FCAR: variants seen among roughly 807,000 people sequenced by gnomAD.
FCAR encodes the protein Fc alpha receptor.
FCAR carries 21 observed loss-of-function variants against 27.1 expected under a neutral mutation model. The ratio of observed to expected loss-of-function variants is 0.77; its 90% CI spans 0.55 to 1.11. The LOEUF is 1.11. FCAR is among the 50% of genes most tolerant of loss of function. The pLI is 0.00. For synonymous variants in FCAR, 134 were observed against 135.8 expected (o/e 0.99, Z 0.09); for missense variants, 404 against 358.4 (o/e 1.13, Z -1.03).
chr19:54,876,190 G>C (rs1295826746), intron 2 of FCAR, among the ~76,000 whole-genome samples: 1 of 152,174 alleles, frequency 6.6e-6, no homozygotes, highest in East Asian at 1.9e-4. Context: ...TTGTATCCTG[G>C]AACTTTGCTA....
chr19:54,878,457 T>C (rs2066222752), intron 2 of FCAR, among the ~76,000 whole-genome samples: 2 of 152,188 alleles, frequency 1.3e-5, no homozygotes, highest in South Asian at 4.1e-4. Context: ...AGTCTCTTCG[T>C]TGGTCTCTCA....
intron 4 of FCAR, chr19:54,889,139 GC>G: frequency 6.5e-6 from 1 of 153,186 alleles, no homozygotes; most frequent in Admixed American, 6.5e-5. Context: ...GGAGGCTGAG[GC>G]AGGTGGATCA....
intron 1 of FCAR, 131 bp downstream of exon 1, chr19:54,874,454 G>T: frequency 1.2e-6 from 1 of 855,950 alleles, no homozygotes; most frequent in Non-Finnish European, 1.9e-6. Context: ...TAGTGGAAAG[G>T]CCGTCTTTGT....
chr19:54,888,502 A>C, intron 4 of FCAR: 1 of 1,412,902 alleles, frequency 7.1e-7, no homozygotes, highest in Non-Finnish European at 9.2e-7. Flanking sequence ...TTGAAAACTT[A>C]GTCTGTGGAG....
rs759854528 is a variant in FCAR, at chr19:54,888,268, G to A, written c.623G>A (p.Ser208Asn). Reference protein sequence around the residue: ...NRSPYLWSFPSNALELVVTDS... With the variant: ...NRSPYLWSFPNNALELVVTDS... Reference sequence around the variant, plus strand: ...AGCCCCTACCTGTGGTCCTTCCCCAGTAATGCCTTGGAGCTTGTGGTCACA... The same window carrying A: ...AGCCCCTACCTGTGGTCCTTCCCCAATAATGCCTTGGAGCTTGTGGTCACA... The change falls in exon 4 of 5, where the codon AGT becomes AAT. Residue 208 changes from serine (S) to asparagine (N), a missense_variant. Coordinates refer to ENST00000355524, the MANE Select transcript of FCAR (RefSeq NM_002000.4). The A allele has an allele frequency of 1.2e-6, 2 of 1,614,150 alleles. No individual in the cohort carries two copies. Among genetic ancestry groups the A allele is most frequent in the Admixed American group, 3.3e-5 (2 of 60,010 alleles).
At chr19:54,875,461 T>C in intron 2 of FCAR, 96 bp downstream of exon 2, 1 of 1,027,378 alleles carries the variant, frequency 9.7e-7, no homozygotes, top group East Asian at 2.4e-5. Context: ...CATTCTTATT[T>C]TAATCCCCAT....
chr19:54,878,107 C>CG (rs1186031414), intron 2 of FCAR, among the ~76,000 whole-genome samples: 1 of 151,976 alleles, frequency 6.6e-6, no homozygotes, highest in African/African-American at 2.4e-5. Context: ...TTAGTAAAGA[C>CG]GGGGTTTCAC....
intron 1 of FCAR, among the ~76,000 whole-genome samples, chr19:54,874,850 T>G (rs1408005345): frequency 6.6e-6 from 1 of 152,134 alleles, no homozygotes; most frequent in Non-Finnish European, 1.5e-5. Flanking sequence ...TCCAGGATTT[T>G]TTTCAATAGT....
chr19:54,877,247 T>C (rs866430821), intron 2 of FCAR, among the ~76,000 whole-genome samples: 1 of 152,196 alleles, frequency 6.6e-6, no homozygotes, highest in South Asian at 2.1e-4. Context: ...TTCTGGTCTG[T>C]AGGATTTTTA....
At chr19:54,884,419 G>C (rs894428785) in intron 2 of FCAR, among the ~76,000 whole-genome samples, 1 of 152,104 alleles carries the variant, frequency 6.6e-6, no homozygotes, top group African/African-American at 2.4e-5. Context: ...ATCACTTGAA[G>C]TCAGGAGTTC....
chr19:54,885,631 T>C (rs755865422), intron 3 of FCAR, 106 bp downstream of exon 3: 18 of 843,446 alleles, frequency 2.1e-5, no homozygotes, highest in Non-Finnish European at 3.3e-5. Flanking sequence ...AAATTGATGA[T>C]TGCTTCAGAG....
At chr19:54,886,301 A>ATTTTT (rs1317590546) in intron 3 of FCAR, among the ~76,000 whole-genome samples, 3 of 17,436 alleles carry the variant, frequency 1.7e-4, no homozygotes, top group African/African-American at 4.1e-4. Context: ...ATGTATCTTT[A>ATTTTT]TTTTTTTTTT....
chr19:54,890,245 C>A lies in FCAR; in HGVS notation c.*382C>A. ...CTGAGATTATAGGCATGAGCCACCA[C>A]GCCTGGCCAGATGCATGTTCAAACC... On this transcript the variant is annotated 3_prime_UTR_variant, in exon 5 of 5. Coordinates refer to ENST00000355524, the MANE Select transcript of FCAR (RefSeq NM_002000.4). 1 of 254,972 alleles carries A rather than the reference C, an allele frequency of 3.9e-6. No homozygotes were observed. The highest frequency in any genetic ancestry group is 7.6e-6 in the Non-Finnish European group (1 of 130,866). 15.8% of individuals were successfully genotyped at this position (254,972 alleles called of 1,614,324 possible). A position where few individuals can be genotyped will look rare whatever the true frequency, so the allele number is the denominator to read the frequency against.
chr19:54,876,948 AGCCTACCTGATGGT>A (rs2066132920), intron 2 of FCAR, among the ~76,000 whole-genome samples: 1 of 152,114 alleles, frequency 6.6e-6, no homozygotes, highest in Non-Finnish European at 1.5e-5. Context: ...CCAGAAATAA[AGCCTACCTGATGGT>A]GGTGGATTAG....
At chr19:54,885,610 C>A in intron 3 of FCAR, 85 bp downstream of exon 3, 4 of 1,078,254 alleles carry the variant, frequency 3.7e-6, no homozygotes, top group Admixed American at 2.7e-5. Context: ...TTTAGATTTA[C>A]AAACAAAAAA....
Position 54,889,731 on chromosome 19 carries a change from A to G in FCAR, c.732A>G (p.Ile244Met). 3 of 1,614,072 alleles carry G rather than the reference A, an allele frequency of 1.9e-6. No individual in the cohort carries two copies. Among genetic ancestry groups the G allele is most frequent in the Non-Finnish European group, 2.5e-6 (3 of 1,179,998 alleles). Residue 244 changes from isoleucine to methionine, a missense_variant, in exon 5 of 5, where the codon ATA becomes ATG. Physicochemically the swap from Ile to Met is conservative, Grantham distance 10. Coordinates refer to ENST00000355524, the MANE Select transcript of FCAR (RefSeq NM_002000.4). ...AGLVLVALLA[I>M]LVENWHSHTA... is the part of the protein sequence containing the mutation. ...TGGTCCTCGTGGCTCTCTTGGCCAT[A>G]CTGGTTGAAAATTGGCACAGCCATA...
chr19:54,886,598 G>T (rs587769066), intron 3 of FCAR, among the ~76,000 whole-genome samples: 2 of 151,938 alleles, frequency 1.3e-5, no homozygotes, highest in East Asian at 2.0e-4. Flanking sequence ...GAGCCACCAC[G>T]CCCGGCCCCC....
Position 54,885,410 on chromosome 19 carries a change from T to C in FCAR, c.246T>C (p.Asp82=). 1.9e-6 allele frequency: 3 copies of C among 1,613,968 alleles called. No homozygotes were observed. The highest frequency in any genetic ancestry group is 2.5e-6 in the Non-Finnish European group (3 of 1,179,976). The stretch of plus-strand genomic sequence containing the variant: ...GACTGAAGTTTTGGAATGAGACTGA[T>C]CCTGAGTTCGTCATTGACCACATGG... ...GRRLKFWNET[D]PEFVIDHMDA... Residue 82 remains aspartate (D), a synonymous_variant, in exon 3 of 5, where the codon GAT becomes GAC. Transcript: ENST00000355524.
chr19:54,877,994 C>T (rs188947836), intron 2 of FCAR, among the ~76,000 whole-genome samples: 1 of 151,094 alleles, frequency 6.6e-6, no homozygotes, highest in Non-Finnish European at 1.5e-5. Context: ...AGGCTCACTG[C>T]AAGCTCCGCC....
Sources: gnomAD v4.1 joint callset for allele counts (sites outside exome capture counted in the v4.1 genomes callset) on GRCh38, gnomAD v4.1.1 for gene constraint, MANE v1.5 for transcripts, NCBI Gene and HGNC (gene_info 2026-07-23, HGNC 2026-07-21) for gene names.